TLK2: variants seen among roughly 807,000 people sequenced by gnomAD.
TLK2 encodes the protein serine/threonine-protein kinase tousled-like 2.
A neutral mutation model predicts 117.3 loss-of-function variants in TLK2; 6 were observed. The observed-to-expected ratio is 0.05, with a 90% CI of 0.03 to 0.10. The LOEUF is 0.10. Among genes scored for constraint, TLK2 ranks in the 10% least tolerant of loss-of-function variants. TLK2 has a pLI of 1.00. For synonymous variants in TLK2, 257 were observed against 316.7 expected (o/e 0.81, Z 2.00); for missense variants, 299 against 901.2 (o/e 0.33, Z 8.56).
At chr17:62,553,076 C>G (rs1175757116) in intron 8 of TLK2, among the ~76,000 whole-genome samples, 1 of 152,108 alleles carries the variant, frequency 6.6e-6, no homozygotes, top group Non-Finnish European at 1.5e-5. Context: ...TTTGAGTATA[C>G]TGGGTTTTCT....
intron 15 of TLK2, among the ~76,000 whole-genome samples, 182 bp downstream of exon 15, chr17:62,580,374 A>G (rs989862191): frequency 6.6e-6 from 1 of 152,152 alleles, no homozygotes; most frequent in Non-Finnish European, 1.5e-5. Context: ...AGCAGAATAC[A>G]GTATTGCCAT....
intron 6 of TLK2, among the ~76,000 whole-genome samples, chr17:62,529,988 A>G (rs1300783801): frequency 6.6e-6 from 1 of 152,066 alleles, no homozygotes; most frequent in African/African-American, 2.4e-5. Flanking sequence ...GGATTACTCG[A>G]GCTCAGGAGT....
chr17:62,568,972 G>A (rs1276324649), intron 11 of TLK2, among the ~76,000 whole-genome samples: 1 of 152,186 alleles, frequency 6.6e-6, no homozygotes, highest in African/African-American at 2.4e-5. Context: ...ACAGCTCCCA[G>A]TTTATACAGA....
rs141990447 is a variant in TLK2, at chr17:62,612,493, C to T, written c.2181C>T (p.Val727=). 17 of 1,614,086 alleles carry T rather than the reference C, an allele frequency of 1.1e-5. No individual in the cohort carries two copies. Among genetic ancestry groups the T allele is most frequent in the African/African-American group, 5.3e-5 (4 of 74,944 alleles). ...PYLLPHIRKS[V]STSSPAGAAI... Reference sequence around the variant, plus strand: ...TGTTGCCTCACATCCGAAAGTCAGTCTCTACAAGTAGCCCTGCTGGAGCTG... The same window carrying T: ...TGTTGCCTCACATCCGAAAGTCAGTTTCTACAAGTAGCCCTGCTGGAGCTG... Residue 727 remains valine, a synonymous_variant, in exon 22 of 22, where the codon GTC becomes GTT. Coordinates refer to ENST00000346027, the MANE Select transcript of TLK2 (RefSeq NM_006852.6).
intron 16 of TLK2, among the ~76,000 whole-genome samples, chr17:62,592,025 G>A (rs1454933585): frequency 6.6e-6 from 1 of 151,328 alleles, no homozygotes; most frequent in African/African-American, 2.4e-5. Flanking sequence ...CGCAATCTCA[G>A]CTCACCACAG....
intron 6 of TLK2, among the ~76,000 whole-genome samples, chr17:62,525,217 AGTT>A (rs1489034140): frequency 6.6e-6 from 1 of 152,152 alleles, no homozygotes; most frequent in Non-Finnish European, 1.5e-5. Flanking sequence ...TTTTTAGGAA[AGTT>A]GTTTTTCTTT....
Position 62,515,546 on chromosome 17 carries a change from C to T in TLK2, c.82-5227C>T, listed in dbSNP as rs185787393. Among the ~76,000 whole-genome samples the T allele has an allele frequency of 7.9e-5, 12 of 152,164 alleles. No homozygotes were observed. The East Asian group carries it at 1.9e-3, about 25-fold the overall frequency. On this transcript the variant is annotated intron_variant, in intron 2 of 21. Transcript: ENST00000346027. ...AGTGGTCACCTCAATGGATGTGAGG[C>T]GGTGTCTTTTTGTGAGTTGCAGTTT...
At chr17:62,589,138 A>C (rs1345703964) in intron 16 of TLK2, among the ~76,000 whole-genome samples, 1 of 152,186 alleles carries the variant, frequency 6.6e-6, no homozygotes, top group Non-Finnish European at 1.5e-5. Context: ...TAAGCAAACA[A>C]AAAGTAAACT....
chr17:62,516,074 G>A (rs924718766), intron 2 of TLK2, among the ~76,000 whole-genome samples: 17 of 151,778 alleles, frequency 1.1e-4, no homozygotes, highest in Admixed American at 8.6e-4. Context: ...ACAGGCGCCC[G>A]CCACCACGCC....
chr17:62,577,112 G>A (rs2146700885), intron 13 of TLK2, among the ~76,000 whole-genome samples: 1 of 152,078 alleles, frequency 6.6e-6, no homozygotes. Context: ...ACAGGCACGT[G>A]CCACCATACC....
At chr17:62,499,674 A>AC (rs1221604780) in intron 2 of TLK2, among the ~76,000 whole-genome samples, 1 of 151,328 alleles carries the variant, frequency 6.6e-6, no homozygotes, top group Non-Finnish European at 1.5e-5. Context: ...ACATGGTAAA[A>AC]CCCTGTCTCT....
At chr17:62,514,888 C>T (rs1386180815) in intron 2 of TLK2, among the ~76,000 whole-genome samples, 1 of 152,142 alleles carries the variant, frequency 6.6e-6, no homozygotes, top group Non-Finnish European at 1.5e-5. Context: ...CCTGAGCCAC[C>T]GTGCCCGGCC....
At chr17:62,537,209 C>T (rs947704400) in intron 7 of TLK2, among the ~76,000 whole-genome samples, 14 of 152,164 alleles carry the variant, frequency 9.2e-5, no homozygotes, top group Non-Finnish European at 2.1e-4. Context: ...ATCCACACTC[C>T]ACCAACTGTG....
At chr17:62,572,669 A>T (rs2080404871) in intron 11 of TLK2, among the ~76,000 whole-genome samples, 1 of 152,212 alleles carries the variant, frequency 6.6e-6, no homozygotes, top group African/African-American at 2.4e-5. Context: ...TCACTGTATC[A>T]GTGGGCGGGG....
chr17:62,496,235 A>C (rs2073669286), intron 2 of TLK2, among the ~76,000 whole-genome samples: 1 of 152,170 alleles, frequency 6.6e-6, no homozygotes, highest in Non-Finnish European at 1.5e-5. Flanking sequence ...ATTGTTTTAC[A>C]TTCATACATA....
At position 62,578,109 on chromosome 17, in the gene TLK2, C is replaced by T. The variant is rs9902889; in HGVS notation, c.1189-368C>T. 9.3e-3 allele frequency among the ~76,000 whole-genome samples: 1,411 copies of T among 152,156 alleles called. 11 individuals carry two copies. The highest frequency in any genetic ancestry group is 0.032 in the African/African-American group (1,329 of 41,498). On this transcript the variant is annotated intron_variant, in intron 13 of 21. Transcript: ENST00000346027. Reference sequence around the variant, plus strand: ...GTAATCCATACTTAAAGATGAGAACCGAACCAGATAGATAACCTGATTTTT... The same window carrying T: ...GTAATCCATACTTAAAGATGAGAACTGAACCAGATAGATAACCTGATTTTT...
intron 9 of TLK2, among the ~76,000 whole-genome samples, chr17:62,555,423 A>T (rs1231490561): frequency 6.6e-6 from 1 of 151,970 alleles, no homozygotes; most frequent in African/African-American, 2.4e-5. Flanking sequence ...GGAATTCAGC[A>T]CATAGCTAAA....
intron 11 of TLK2, 87 bp from the exon 12 acceptor site, chr17:62,573,128 A>G (rs2080447667): frequency 1.4e-6 from 2 of 1,426,306 alleles, no homozygotes; most frequent in East Asian, 5.0e-5. Flanking sequence ...CTGAAATTGG[A>G]TACACAAGTG....
chr17:62,558,496 G>C (rs1449653313), intron 9 of TLK2, among the ~76,000 whole-genome samples: 2 of 152,134 alleles, frequency 1.3e-5, no homozygotes, highest in Non-Finnish European at 2.9e-5. Flanking sequence ...ACTCCTCGAA[G>C]ACATTAGTGT....
Sources: gnomAD v4.1 joint callset for allele counts (sites outside exome capture counted in the v4.1 genomes callset) on GRCh38, gnomAD v4.1.1 for gene constraint, MANE v1.5 for transcripts, NCBI Gene and HGNC (gene_info 2026-07-23, HGNC 2026-07-21) for gene names.